PRKAR2A: variants seen among roughly 807,000 people sequenced by gnomAD.
PRKAR2A encodes protein kinase cAMP-dependent type II regulatory subunit alpha.
In PRKAR2A, 29 loss-of-function variants were observed where a neutral mutation model predicts 51.9. The observed-to-expected ratio is 0.56, with a 90% CI of 0.42 to 0.76. The LOEUF (loss-of-function observed/expected upper bound fraction) is 0.76, where lower values mean the gene tolerates loss of function less well. PRKAR2A is among the 30% of genes least tolerant of loss of function. PRKAR2A has a pLI of 0.00. For missense variants in PRKAR2A, 445 were observed against 512.1 expected (o/e 0.87, Z 1.26); for synonymous variants, 178 against 186.2 (o/e 0.96, Z 0.36).
At chr3:48,830,552 A>G (rs1422642088) in intron 1 of PRKAR2A, among the ~76,000 whole-genome samples, 1 of 152,156 alleles carries the variant, frequency 6.6e-6, no homozygotes, top group Non-Finnish European at 1.5e-5. Flanking sequence ...ATCAAGTATC[A>G]TGTACTACAA....
chr3:48,760,844 A>G (rs2081853939), intron 8 of PRKAR2A, among the ~76,000 whole-genome samples: 2 of 151,580 alleles, frequency 1.3e-5, no homozygotes, highest in South Asian at 4.2e-4. Flanking sequence ...TCAAAAAAAA[A>G]AAAAAAAAAA....
chr3:48,792,845 C>T (rs1357435163), intron 3 of PRKAR2A, among the ~76,000 whole-genome samples: 3 of 151,870 alleles, frequency 2.0e-5, no homozygotes, highest in Non-Finnish European at 2.9e-5. Context: ...AGGAGAATCA[C>T]GTGAACCCAG....
intron 6 of PRKAR2A, among the ~76,000 whole-genome samples, chr3:48,770,849 C>G (rs1011155171): frequency 2.6e-5 from 4 of 152,146 alleles, no homozygotes; most frequent in Non-Finnish European, 5.9e-5. Flanking sequence ...AATCCTCATA[C>G]CCCAGCCACA....
chr3:48,765,206 T>C, intron 7 of PRKAR2A, 42 bp downstream of exon 7: 3 of 1,567,606 alleles, frequency 1.9e-6, no homozygotes, highest in Non-Finnish European at 1.8e-6. Flanking sequence ...TTAAAAGCTT[T>C]TCCTGATCCC....
chr3:48,781,466 C>A (rs2082196013), intron 5 of PRKAR2A, among the ~76,000 whole-genome samples: 1 of 151,974 alleles, frequency 6.6e-6, no homozygotes, highest in South Asian at 2.1e-4. Context: ...CTCAGCCTCC[C>A]AAGTAGCTGC....
Position 48,751,538 on chromosome 3 carries a change from C to A in PRKAR2A, c.*47G>T. On this transcript the variant is annotated 3_prime_UTR_variant, in exon 11 of 11. Transcript: ENST00000265563. ...TTTCTGTATGTGTTCTGTGGCTGAC[C>A]AGAAGGTTTTGGTGTCACACTAAGA... The A allele has an allele frequency of 6.2e-7, 1 of 1,602,360 alleles. No individual in the cohort carries two copies. The highest frequency in any genetic ancestry group is 8.5e-7 in the Non-Finnish European group (1 of 1,172,158).
chr3:48,826,545 A>C (rs1328356577), intron 1 of PRKAR2A, among the ~76,000 whole-genome samples: 2 of 152,112 alleles, frequency 1.3e-5, no homozygotes, highest in Non-Finnish European at 2.9e-5. Flanking sequence ...TTCCTAACAT[A>C]GACACGATTG....
chr3:48,847,513 G>C lies in PRKAR2A; in HGVS notation c.84C>G (p.Asp28Glu). The stretch of plus-strand genomic sequence containing the variant: ...AGTACTCCACTGCGAATTCGACGAG[G>C]TCAGGCGGCTGCTGTCGCAGCACCT... ...TVEVLRQQPP[D>E]LVEFAVEYFT... The change falls in exon 1 of 11, where the codon GAC becomes GAG. Residue 28 changes from aspartate (D) to glutamate (E), a missense_variant. Coordinates refer to ENST00000265563, the MANE Select transcript of PRKAR2A (RefSeq NM_004157.4). This position sits in a 1 kb window ranked among gnomAD's most constrained non-coding sequence, Gnocchi z 4.4. 1.3e-6 allele frequency: 2 copies of C among 1,559,870 alleles called. No homozygotes were observed. The highest frequency in any genetic ancestry group is 1.7e-6 in the Non-Finnish European group (2 of 1,153,108).
chr3:48,821,180 G>A lies in PRKAR2A; in HGVS notation c.263-13496C>T, dbSNP rs1575929197. On this transcript the variant is annotated intron_variant, in intron 1 of 10. Transcript: ENST00000265563. ...CTGACTGTGGCAAGATCAGAGCAAG[G>A]AGTGGTGGGGATTGTGGGTCAAGTC... Among the ~76,000 whole-genome samples, 4 of 152,284 alleles carry A rather than the reference G, an allele frequency of 2.6e-5. No homozygotes were observed. The South Asian group carries it at 6.2e-4, about 24-fold the overall frequency.
chr3:48,845,589 T>A (rs2083448710), intron 1 of PRKAR2A, among the ~76,000 whole-genome samples: 1 of 152,228 alleles, frequency 6.6e-6, no homozygotes, highest in Admixed American at 6.5e-5. Flanking sequence ...TGACAAAGCA[T>A]ATGTTGAAGC....
chr3:48,758,533 A>C (rs1204024528), intron 8 of PRKAR2A, among the ~76,000 whole-genome samples: 1 of 146,640 alleles, frequency 6.8e-6, no homozygotes, highest in Admixed American at 6.9e-5. Context: ...CAGTAAGCCG[A>C]GATTGTGCCA....
chr3:48,806,656 G>A (rs1483484685), intron 2 of PRKAR2A, among the ~76,000 whole-genome samples: 1 of 151,674 alleles, frequency 6.6e-6, no homozygotes, highest in Non-Finnish European at 1.5e-5. Flanking sequence ...AACTTGGATA[G>A]AAAGTTTACC....
At chr3:48,794,736 G>GA (rs1046777859) in intron 2 of PRKAR2A, among the ~76,000 whole-genome samples, 9 of 151,924 alleles carry the variant, frequency 5.9e-5, no homozygotes, top group African/African-American at 2.2e-4. Context: ...GACATAAAGG[G>GA]AAAAAAAGCA....
intron 6 of PRKAR2A, among the ~76,000 whole-genome samples, chr3:48,767,751 C>T (rs1575850328): frequency 1.3e-5 from 2 of 151,304 alleles, no homozygotes; most frequent in African/African-American, 2.4e-5. Flanking sequence ...AATGAAACCC[C>T]GTCTCTACTA....
intron 2 of PRKAR2A, among the ~76,000 whole-genome samples, chr3:48,795,985 C>T (rs974269137): frequency 3.9e-5 from 6 of 152,176 alleles, no homozygotes; most frequent in Non-Finnish European, 8.8e-5. Flanking sequence ...TTTAAAATCT[C>T]ACCCCATGTG....
At chr3:48,828,698 C>T (rs2083111895) in intron 1 of PRKAR2A, among the ~76,000 whole-genome samples, 1 of 133,936 alleles carries the variant, frequency 7.5e-6, no homozygotes, top group African/African-American at 2.9e-5. Flanking sequence ...ACAGAGCGAG[C>T]CCCTGTCTCC....
At position 48,847,072 on chromosome 3, in the gene PRKAR2A, G is replaced by A. The variant is rs144183180; in HGVS notation, c.262+263C>T. Among the ~76,000 whole-genome samples the A allele has an allele frequency of 3.7e-3, 557 of 152,358 alleles. No homozygotes were observed. The highest frequency in any genetic ancestry group is 0.013 in the African/African-American group (527 of 41,586). On this transcript the variant is annotated intron_variant, in intron 1 of 10. Transcript: ENST00000265563. The surrounding 1 kb of genome is among the most constrained non-coding windows in gnomAD (Gnocchi z 4.4). ...AGGCGAGGGATCCTCTAGCAGGGCC[G>A]ACAGCGCGCACGTTTCCTTCAAGGC...
chr3:48,797,573 C>A (rs1255481138), intron 2 of PRKAR2A, among the ~76,000 whole-genome samples: 3 of 152,190 alleles, frequency 2.0e-5, no homozygotes, highest in Non-Finnish European at 2.9e-5. Context: ...CCAGGACTCT[C>A]CCATCCCTGC....
intron 4 of PRKAR2A, among the ~76,000 whole-genome samples, chr3:48,784,239 C>G (rs770130187): frequency 3.9e-5 from 6 of 152,162 alleles, no homozygotes; most frequent in Non-Finnish European, 8.8e-5. Flanking sequence ...AAGAGACTTT[C>G]TCTTTGGAGA....
Sources: gnomAD v4.1 joint callset for allele counts (sites outside exome capture counted in the v4.1 genomes callset) on GRCh38, gnomAD v4.1.1 for gene constraint, Gnocchi (gnomAD v3.1) non-coding constraint, MANE v1.5 for transcripts, NCBI Gene and HGNC (gene_info 2026-07-23, HGNC 2026-07-21) for gene names.